HCN1: variants seen among roughly 807,000 people sequenced by gnomAD.
The protein encoded by HCN1 is potassium/sodium hyperpolarization-activated cyclic nucleotide-gated channel 1.
In HCN1, 13 loss-of-function variants were observed where a neutral mutation model predicts 78.9. The observed-to-expected ratio is 0.16, with a 90% confidence interval of 0.11 to 0.26. HCN1 has a LOEUF of 0.26. HCN1 is among the 10% of genes least tolerant of loss of function. The pLI is 1.00. For synonymous variants in HCN1, 552 were observed against 455.5 expected, an observed-to-expected ratio of 1.21 and a Z score of -2.70; for missense variants, 810 against 1,154.3, an observed-to-expected ratio of 0.70 and a Z score of 4.32.
chr5:45,287,461 T>C (rs1050649520), intron 6 of HCN1, among the ~76,000 whole-genome samples: 1 of 152,086 alleles, frequency 6.6e-6, no homozygotes, highest in Admixed American at 6.6e-5. Context: ...TATATTCTTG[T>C]AGTTATTTTA....
In HCN1 at chr5:45,695,785, C is replaced by T. The variant is rs1260954854; in HGVS notation, c.309G>A (p.Gln103=). The T allele has an allele frequency of 1.2e-6, 2 of 1,611,660 alleles. No individual in the cohort carries two copies. The highest frequency in any genetic ancestry group is 1.7e-6 in the Non-Finnish European group (2 of 1,179,664). ...FMQRQFTSML[Q]PGVNKFSLRM... Reference sequence around the variant, plus strand: ...GGAGGGAGAATTTGTTGACCCCGGGCTGCAGCATGGAGGTGAACTGCCTCT... The same window carrying T: ...GGAGGGAGAATTTGTTGACCCCGGGTTGCAGCATGGAGGTGAACTGCCTCT... Residue 103 remains glutamine (Q), a synonymous_variant, in exon 1 of 8, where the codon CAG becomes CAA. Coordinates refer to ENST00000303230, the MANE Select transcript of HCN1 (RefSeq NM_021072.4).
intron 5 of HCN1, among the ~76,000 whole-genome samples, chr5:45,330,900 G>T (rs1417318780): frequency 1.3e-5 from 2 of 150,740 alleles, no homozygotes; most frequent in Non-Finnish European, 3.0e-5. Context: ...ATTTCTAATG[G>T]GTAAAATTTA....
At chr5:45,330,888 T>C (rs1459613486) in intron 5 of HCN1, among the ~76,000 whole-genome samples, 2 of 151,296 alleles carry the variant, frequency 1.3e-5, no homozygotes, top group Non-Finnish European at 1.5e-5. Flanking sequence ...AATATTGAGA[T>C]AATTTCTAAT....
intron 2 of HCN1, among the ~76,000 whole-genome samples, chr5:45,494,524 C>T (rs530284402): frequency 0.096 from 14,551 of 151,600 alleles, 913 homozygotes; most frequent in Middle Eastern, 0.17. Context: ...GAGTAGGTTG[C>T]GAAAATTTTC....
chr5:45,325,048 G>C (rs1746208241), intron 5 of HCN1, among the ~76,000 whole-genome samples: 1 of 151,566 alleles, frequency 6.6e-6, no homozygotes. Flanking sequence ...TACAATGTAG[G>C]ACCAATCTGG....
At chr5:45,590,404 C>T (rs1376153721) in intron 2 of HCN1, among the ~76,000 whole-genome samples, 2 of 152,166 alleles carry the variant, frequency 1.3e-5, no homozygotes, top group African/African-American at 4.8e-5. Context: ...CATCAACATC[C>T]TATGCTGCAG....
intron 4 of HCN1, among the ~76,000 whole-genome samples, chr5:45,389,427 TA>T (rs558723688): frequency 2.4e-4 from 37 of 152,122 alleles, no homozygotes; most frequent in Non-Finnish European, 5.3e-4. Flanking sequence ...ATTAATTTCC[TA>T]AAAAAATAAT....
At chr5:45,646,135 G>A (rs1745546301) in intron 1 of HCN1, among the ~76,000 whole-genome samples, 1 of 151,900 alleles carries the variant, frequency 6.6e-6, no homozygotes, top group South Asian at 2.1e-4. Flanking sequence ...GTTTTGCCAT[G>A]GAATCTAGAA....
chr5:45,305,041 TTAC>T (rs766072614), intron 5 of HCN1, among the ~76,000 whole-genome samples: 12 of 152,166 alleles, frequency 7.9e-5, no homozygotes, highest in Non-Finnish European at 1.6e-4. Flanking sequence ...TACCAATTAG[TTAC>T]CCCAAAAAAG....
intron 1 of HCN1, among the ~76,000 whole-genome samples, chr5:45,689,860 C>G (rs2112100986): frequency 6.6e-6 from 1 of 152,166 alleles, no homozygotes; most frequent in East Asian, 1.9e-4. Context: ...AAATGGAGGA[C>G]AGGTTACATT....
Position 45,695,850 on chromosome 5 carries a change from C to T in HCN1, c.244G>A (p.Glu82Lys). 1 of 1,594,308 alleles carries T rather than the reference C, an allele frequency of 6.3e-7. No homozygotes were observed. The highest frequency in any genetic ancestry group is 8.5e-7 in the Non-Finnish European group (1 of 1,175,176). ...GGGEEPAGGF[E>K]DAEGPRRQYG... ...TGCCGCCGGGGCCCCTCGGCGTCTT[C>T]GAAGCCCCCCGCCGGCTCCTCGCCG... Residue 82 changes from glutamate to lysine, a missense_variant, in exon 1 of 8, where the codon GAA becomes AAA. Transcript: ENST00000303230.
intron 2 of HCN1, among the ~76,000 whole-genome samples, chr5:45,499,293 C>G (rs565355399): frequency 6.6e-6 from 1 of 152,270 alleles, no homozygotes; most frequent in Admixed American, 6.5e-5. Context: ...TCTCCTGGTG[C>G]GCCGTTTTTT....
At chr5:45,320,774 G>A (rs984375443) in intron 5 of HCN1, among the ~76,000 whole-genome samples, 12 of 151,838 alleles carry the variant, frequency 7.9e-5, no homozygotes, top group African/African-American at 2.7e-4. Flanking sequence ...ATTGTCAGGT[G>A]GCAACTGAAG....
chr5:45,437,612 T>C (rs1389122369), intron 3 of HCN1, among the ~76,000 whole-genome samples: 1 of 152,192 alleles, frequency 6.6e-6, no homozygotes, highest in Non-Finnish European at 1.5e-5. Flanking sequence ...CTAAGGTGAA[T>C]AAACATTTTC....
intron 6 of HCN1, among the ~76,000 whole-genome samples, chr5:45,289,706 A>C (rs915824168): frequency 6.6e-6 from 1 of 152,066 alleles, no homozygotes; most frequent in Non-Finnish European, 1.5e-5. Context: ...ATGTCAAAGG[A>C]ATCTTCTTAT....
chr5:45,564,663 C>G (rs1466590472), intron 2 of HCN1, among the ~76,000 whole-genome samples: 1 of 152,166 alleles, frequency 6.6e-6, no homozygotes, highest in Non-Finnish European at 1.5e-5. Flanking sequence ...AGAGCAAATA[C>G]TCCTATTATC....
At chr5:45,524,536 G>A (rs1203110920) in intron 2 of HCN1, among the ~76,000 whole-genome samples, 1 of 152,108 alleles carries the variant, frequency 6.6e-6, no homozygotes, top group Non-Finnish European at 1.5e-5. Context: ...ATTTCATTGA[G>A]CAGTGGTTTG....
chr5:45,258,709 G>A lies in HCN1; in HGVS notation c.*3212C>T, dbSNP rs1182488358. ...CTATTTTGTTATAATAGGGCCTTGG[G>A]CCTACTATACAAACCTATTTTGTTT... On this transcript the variant is annotated 3_prime_UTR_variant, in exon 8 of 8. Transcript: ENST00000303230. The A allele has an allele frequency of 6.6e-6, 1 of 151,638 alleles. No homozygotes were observed. The highest frequency in any genetic ancestry group is 1.5e-5 in the Non-Finnish European group (1 of 67,866). 9.4% of individuals were successfully genotyped at this position (151,638 alleles called of 1,614,324 possible).
chr5:45,584,253 T>C (rs1288137045), intron 2 of HCN1, among the ~76,000 whole-genome samples: 1 of 152,188 alleles, frequency 6.6e-6, no homozygotes, highest in Non-Finnish European at 1.5e-5. Flanking sequence ...TTAGCTCTTC[T>C]TGTTGAATTG....
Sources: allele counts gnomAD v4.1 joint callset (sites outside exome capture counted in the v4.1 genomes callset), GRCh38; gene constraint gnomAD v4.1.1; transcripts MANE v1.5; gene names NCBI Gene and HGNC (gene_info 2026-07-23, HGNC 2026-07-21).